Variants in SYNDIG1 observed in about 807,000 individuals in gnomAD.
SYNDIG1 encodes the protein synapse differentiation-inducing gene protein 1.
Under a neutral mutation model 19.4 loss-of-function variants are expected in SYNDIG1, and 9 were observed. That is an observed-to-expected ratio of 0.46 (90% CI 0.28 to 0.81). SYNDIG1 has a LOEUF of 0.81. SYNDIG1 is among the 30% of genes least tolerant of loss of function. SYNDIG1 has a pLI of 0.12. For missense variants in SYNDIG1, 311 were observed against 343.3 expected (o/e 0.91, Z 0.74); for synonymous variants, 141 against 145.9 (o/e 0.97, Z 0.24).
At chr20:24,546,198 T>C (rs2057572886) in intron 2 of SYNDIG1, among the ~76,000 whole-genome samples, 1 of 152,232 alleles carries the variant, frequency 6.6e-6, no homozygotes, top group Non-Finnish European at 1.5e-5. Context: ...TTTCATTCCC[T>C]TCTTCGGTAA....
At position 24,512,105 on chromosome 20, in the gene SYNDIG1, T is replaced by TAA. The variant is rs1372669338; in HGVS notation, c.-78-30912_-78-30911dup. Among the ~76,000 whole-genome samples, 5 of 100,564 alleles carry TAA rather than the reference T, an allele frequency of 5.0e-5. No individual in the cohort carries two copies. The East Asian group carries it at 9.4e-4, about 19-fold the overall frequency. 66.0% of individuals were successfully genotyped at this position (100,564 alleles called of 152,430 possible). On this transcript the variant is annotated intron_variant, in intron 1 of 3. Transcript: ENST00000376862. ...GCAGCCATGAGGCACCATTGGTCTT[T>TAA]AAAATATATATATATATATATATAT...
intron 3 of SYNDIG1, among the ~76,000 whole-genome samples, chr20:24,652,722 CGGGGTGCCCAGCCATGTGCAG>C (rs1568717465): frequency 2.0e-5 from 3 of 152,152 alleles, no homozygotes; most frequent in African/African-American, 7.2e-5. Flanking sequence ...CCACTCACAG[CGGGGTGCCCAGCCATGTGCAG>C]GGGAGGGCCA....
At chr20:24,624,088 C>T (rs2059081625) in intron 3 of SYNDIG1, among the ~76,000 whole-genome samples, 1 of 151,904 alleles carries the variant, frequency 6.6e-6, no homozygotes, top group Non-Finnish European at 1.5e-5. Context: ...TGGTGAAACC[C>T]CATCTCTACT....
intron 1 of SYNDIG1, 113 bp downstream of exon 1, chr20:24,469,866 G>A (rs1278772424): frequency 6.6e-6 from 1 of 152,170 alleles, no homozygotes; most frequent in African/African-American, 2.4e-5. Context: ...GCGCTGGCGG[G>A]TGTCCTAGTC....
At chr20:24,514,325 C>G (rs1007115615) in intron 1 of SYNDIG1, among the ~76,000 whole-genome samples, 2 of 152,144 alleles carry the variant, frequency 1.3e-5, no homozygotes, top group Non-Finnish European at 2.9e-5. Flanking sequence ...AAGACATAAA[C>G]TGGCAAATTG....
chr20:24,594,136 G>A (rs1192338549), intron 3 of SYNDIG1, among the ~76,000 whole-genome samples: 1 of 152,094 alleles, frequency 6.6e-6, no homozygotes, highest in East Asian at 1.9e-4. Context: ...TATTTCCTAG[G>A]TTATCTTCCA....
chr20:24,584,731 C>T, intron 2 of SYNDIG1, 125 bp from the exon 3 acceptor site: 1 of 1,317,882 alleles, frequency 7.6e-7, no homozygotes, highest in Non-Finnish European at 1.1e-6. Flanking sequence ...ACAACGTCAG[C>T]AACTGCAGCT....
At chr20:24,567,869 C>T (rs919419238) in intron 2 of SYNDIG1, among the ~76,000 whole-genome samples, 3 of 152,238 alleles carry the variant, frequency 2.0e-5, no homozygotes, top group African/African-American at 7.2e-5. Flanking sequence ...CGTGGTGGCT[C>T]ACGCCTGTAA....
At chr20:24,584,495 C>G (rs1377567223) in intron 2 of SYNDIG1, among the ~76,000 whole-genome samples, 3 of 152,214 alleles carry the variant, frequency 2.0e-5, no homozygotes, top group African/African-American at 7.2e-5. Context: ...GCAGTCCCTA[C>G]AGGCAGTCCC....
intron 2 of SYNDIG1, among the ~76,000 whole-genome samples, chr20:24,569,458 T>C (rs1164565869): frequency 6.6e-6 from 1 of 151,914 alleles, no homozygotes; most frequent in Non-Finnish European, 1.5e-5. Flanking sequence ...GCGTCAGGAG[T>C]GTTGAAGCCC....
At chr20:24,493,268 AT>A (rs1334162579) in intron 1 of SYNDIG1, among the ~76,000 whole-genome samples, 1 of 152,250 alleles carries the variant, frequency 6.6e-6, no homozygotes, top group Non-Finnish European at 1.5e-5. Flanking sequence ...CTTTATTGGC[AT>A]GAAGCTGAAC....
intron 3 of SYNDIG1, among the ~76,000 whole-genome samples, chr20:24,605,202 G>A (rs986415613): frequency 3.3e-5 from 5 of 152,152 alleles, no homozygotes; most frequent in African/African-American, 9.7e-5. Context: ...AGGGTTTGCC[G>A]TGGGCCCACA....
intron 1 of SYNDIG1, among the ~76,000 whole-genome samples, chr20:24,525,286 C>CTTTTTTT (rs11471122): frequency 3.8e-5 from 4 of 106,534 alleles, no homozygotes; most frequent in Non-Finnish European, 5.7e-5. Flanking sequence ...TCTTCTTCTT[C>CTTTTTTT]TTTTTTTTTT....
intron 3 of SYNDIG1, among the ~76,000 whole-genome samples, chr20:24,608,354 C>A (rs999807773): frequency 6.6e-6 from 1 of 151,980 alleles, no homozygotes; most frequent in Non-Finnish European, 1.5e-5. Context: ...AATTTTAGTA[C>A]TTTTAGTAGA....
At chr20:24,494,037 A>C (rs2056230070) in intron 1 of SYNDIG1, among the ~76,000 whole-genome samples, 1 of 152,168 alleles carries the variant, frequency 6.6e-6, no homozygotes, top group Non-Finnish European at 1.5e-5. Flanking sequence ...GGCTGGTTGC[A>C]TCCCGGCCAC....
At chr20:24,527,346 A>C (rs1296412190) in intron 1 of SYNDIG1, among the ~76,000 whole-genome samples, 1 of 151,954 alleles carries the variant, frequency 6.6e-6, no homozygotes, top group Non-Finnish European at 1.5e-5. Context: ...TTTGAAATTC[A>C]CACGTTTCAT....
At chr20:24,581,654 G>T (rs531617929) in intron 2 of SYNDIG1, among the ~76,000 whole-genome samples, 1 of 152,198 alleles carries the variant, frequency 6.6e-6, no homozygotes, top group East Asian at 1.9e-4. Flanking sequence ...ATGAGGTGCA[G>T]CGGGGCAGAT....
intron 2 of SYNDIG1, among the ~76,000 whole-genome samples, chr20:24,570,510 A>T (rs1047310098): frequency 6.6e-6 from 1 of 152,244 alleles, no homozygotes; most frequent in African/African-American, 2.4e-5. Context: ...CAGACACTTC[A>T]TGAAAGGGAA....
At chr20:24,580,766 C>A (rs1421307780) in intron 2 of SYNDIG1, among the ~76,000 whole-genome samples, 1 of 152,122 alleles carries the variant, frequency 6.6e-6, no homozygotes, top group Admixed American at 6.5e-5. Flanking sequence ...TGTCATCTAG[C>A]CTCAGCTTGG....
Sources: gnomAD v4.1 joint callset for allele counts (sites outside exome capture counted in the v4.1 genomes callset) on GRCh38, gnomAD v4.1.1 for gene constraint, MANE v1.5 for transcripts, NCBI Gene and HGNC (gene_info 2026-07-23, HGNC 2026-07-21) for gene names.